The following RTN4 variants were observed in gnomAD, a reference collection of about 807,000 sequenced individuals.
RTN4 encodes reticulon 4.
Under a neutral mutation model 90.4 loss-of-function variants are expected in RTN4, and 32 were observed. That is an observed-to-expected ratio of 0.35 (90% CI 0.27 to 0.48). The LOEUF is 0.48. Ranked by LOEUF, RTN4 falls within the 20% of genes least tolerant of loss-of-function variation. The pLI is 0.99. For missense variants in RTN4, 1,706 were observed against 1,430.2 expected (o/e 1.19, Z -3.11); for synonymous variants, 629 against 552.5 (o/e 1.14, Z -1.94).
chr2:55,041,353 C>T (rs1054049690), intron 1 of RTN4, among the ~76,000 whole-genome samples: 4 of 151,874 alleles, frequency 2.6e-5, no homozygotes, highest in African/African-American at 9.7e-5. Flanking sequence ...AAATGTAATG[C>T]AACCTACTAA....
chr2:55,049,590 C>T, intron 1 of RTN4, 155 bp downstream of exon 1: 1 of 1,282,786 alleles, frequency 7.8e-7, no homozygotes, highest in Non-Finnish European at 1.1e-6. Context: ...CCCTTCTCCC[C>T]GCGCTTCCAA....
At chr2:54,979,229 T>G (rs1310760640) in intron 5 of RTN4, among the ~76,000 whole-genome samples, 1 of 10,406 alleles carries the variant, frequency 9.6e-5, no homozygotes, top group African/African-American at 6.0e-4. Context: ...ATTTTTCAGT[T>G]TTTTTTTTTT....
intron 2 of RTN4, among the ~76,000 whole-genome samples, chr2:55,075,925 T>C (rs1220677207): frequency 2.0e-5 from 3 of 152,126 alleles, no homozygotes; most frequent in Admixed American, 6.5e-5. Context: ...TCTCACCCTA[T>C]ACAAAACTCA....
the RTN4 span, among the ~76,000 whole-genome samples, chr2:55,129,985 T>C: frequency 6.6e-6 from 1 of 152,266 alleles, no homozygotes; most frequent in Non-Finnish European, 1.5e-5. Flanking sequence ...TCTTTGATCC[T>C]ACATTCTACT....
At chr2:55,101,875 C>T (rs918791168) in intron 1 of RTN4, among the ~76,000 whole-genome samples, 15 of 152,228 alleles carry the variant, frequency 9.9e-5, no homozygotes, top group African/African-American at 3.4e-4. Flanking sequence ...TTCATCAGCA[C>T]ATTCAAATTT....
intron 3 of RTN4, among the ~76,000 whole-genome samples, chr2:55,014,908 C>T (rs903059269): frequency 6.6e-6 from 1 of 152,016 alleles, no homozygotes; most frequent in African/African-American, 2.4e-5. Context: ...ATTTAAGTAT[C>T]CAGGTTTGGG....
At chr2:55,065,562 G>C (rs888053226) in intron 2 of RTN4, among the ~76,000 whole-genome samples, 2 of 152,016 alleles carry the variant, frequency 1.3e-5, no homozygotes, top group Non-Finnish European at 2.9e-5. Flanking sequence ...ATTCATGTAA[G>C]GGAATACTAT....
intron 5 of RTN4, among the ~76,000 whole-genome samples, chr2:54,977,123 T>C (rs760529153): frequency 6.6e-6 from 1 of 151,426 alleles, no homozygotes; most frequent in Non-Finnish European, 1.5e-5. Flanking sequence ...GGGAGAGTGC[T>C]TAGTAAGATC....
In RTN4 at chr2:55,026,713, G is replaced by C; in HGVS notation, c.1386C>G (p.Ile462Met). 6.2e-7 allele frequency: 1 copy of C among 1,613,474 alleles called. No homozygotes were observed. Among genetic ancestry groups the C allele is most frequent in the East Asian group, 2.2e-5 (1 of 44,862 alleles). Residue 462 changes from isoleucine to methionine, a missense_variant, in exon 3 of 9, where the codon ATC becomes ATG. Coordinates refer to ENST00000337526, the MANE Select transcript of RTN4 (RefSeq NM_020532.5). ...EGIKDRSGAY[I>M]TCAPFNPAAT... ...CTGCTGGGTTAAAGGGAGCACATGT[G>C]ATATATGCTCCTGAACGATCCTTTA...
At chr2:55,010,607 A>G (rs1680563388) in intron 3 of RTN4, among the ~76,000 whole-genome samples, 1 of 152,188 alleles carries the variant, frequency 6.6e-6, no homozygotes, top group Non-Finnish European at 1.5e-5. Flanking sequence ...TGGTTACCTA[A>G]TAAGATAAAA....
At chr2:55,111,287 A>G (rs1248403698) in intron 1 of RTN4, among the ~76,000 whole-genome samples, 1 of 152,194 alleles carries the variant, frequency 6.6e-6, no homozygotes, top group Non-Finnish European at 1.5e-5. Context: ...TTAAAAACAG[A>G]GCAAGCACAG....
chr2:55,048,180 G>A (rs1476451248), intron 1 of RTN4, among the ~76,000 whole-genome samples: 1 of 152,240 alleles, frequency 6.6e-6, no homozygotes, highest in Non-Finnish European at 1.5e-5. Context: ...AGGATTAAAA[G>A]ATGGCACACG....
Position 54,972,209 on chromosome 2 carries a change from T to C in RTN4, c.*947A>G, listed in dbSNP as rs200314378. 20 of 152,646 alleles carry C rather than the reference T, an allele frequency of 1.3e-4. No homozygotes were observed. The highest frequency in any genetic ancestry group is 5.2e-4 in the Admixed American group (8 of 15,246). The allele number at this position is 152,646 out of a possible 1,614,324, so 9.5% of individuals were successfully genotyped here. ...GCATATTTTAAGTCTATAAGCTTTA[T>C]TGATACTTTGCTTTTACAGTTCACA... On this transcript the variant is annotated 3_prime_UTR_variant, in exon 9 of 9. Transcript: ENST00000337526.
intron 3 of RTN4, among the ~76,000 whole-genome samples, chr2:55,023,300 T>A (rs1681585355): frequency 6.6e-6 from 1 of 152,144 alleles, no homozygotes; most frequent in Non-Finnish European, 1.5e-5. Context: ...AGACCACCTT[T>A]CAACCTTGAT....
chr2:55,106,721 T>C (rs910248963), intron 1 of RTN4, among the ~76,000 whole-genome samples: 1 of 152,040 alleles, frequency 6.6e-6, no homozygotes, highest in African/African-American at 2.4e-5. Flanking sequence ...GGTTTCACCA[T>C]GTTGGCTAGG....
At chr2:55,120,960 C>T in the RTN4 span, among the ~76,000 whole-genome samples, 1 of 152,186 alleles carries the variant, frequency 6.6e-6, no homozygotes, top group Non-Finnish European at 1.5e-5. Context: ...AATAAGGAAA[C>T]CCTGGTGGCC....
chr2:55,024,544 G>A (rs546084930), intron 3 of RTN4, among the ~76,000 whole-genome samples: 1 of 152,034 alleles, frequency 6.6e-6, no homozygotes, highest in South Asian at 2.1e-4. Context: ...AAGGAGAATC[G>A]GTACTTTTCA....
At chr2:55,094,151 T>C (rs1265378925) in intron 1 of RTN4, among the ~76,000 whole-genome samples, 1 of 152,172 alleles carries the variant, frequency 6.6e-6, no homozygotes, top group Non-Finnish European at 1.5e-5. Context: ...TAGATTTAGA[T>C]GAGGCCCTGA....
chr2:55,005,982 C>T (rs1325850180), intron 3 of RTN4, among the ~76,000 whole-genome samples: 1 of 152,102 alleles, frequency 6.6e-6, no homozygotes, highest in East Asian at 1.9e-4. Flanking sequence ...GATGTTCAAC[C>T]TGTACTTGCA....
Sources: allele counts gnomAD v4.1 joint callset (sites outside exome capture counted in the v4.1 genomes callset), GRCh38; gene constraint gnomAD v4.1.1; transcripts MANE v1.5; gene names NCBI Gene and HGNC (gene_info 2026-07-23, HGNC 2026-07-21).